The following PTPRD variants were observed in gnomAD, a reference collection of about 807,000 sequenced individuals.
PTPRD encodes protein tyrosine phosphatase receptor type D, also known as receptor-type tyrosine-protein phosphatase delta.
PTPRD carries 34 observed loss-of-function variants against 214.5 expected under a neutral mutation model. That is an observed-to-expected ratio of 0.16 (90% CI 0.12 to 0.21). The LOEUF (loss-of-function observed/expected upper bound fraction) is 0.21. Among genes scored for constraint, PTPRD ranks in the 10% least tolerant of loss-of-function variants. The probability of loss-of-function intolerance (pLI) is 1.00; values close to 1 mark genes in which losing one functional copy is unlikely to be tolerated. For missense variants in PTPRD, 2,545 were observed against 2,398.7 expected, an observed-to-expected ratio of 1.06 and a Z score of -1.27; for synonymous variants, 1,128 against 845.7, an observed-to-expected ratio of 1.33 and a Z score of -5.79.
At chr9:8,543,510 T>C (rs1168318736) in intron 14 of PTPRD, among the ~76,000 whole-genome samples, 1 of 152,188 alleles carries the variant, frequency 6.6e-6, no homozygotes, top group African/African-American at 2.4e-5. Context: ...TTTCAGCCAC[T>C]GATCCCTAAT....
chr9:9,572,212 G>T (rs530356767), intron 8 of PTPRD, among the ~76,000 whole-genome samples: 4 of 151,306 alleles, frequency 2.6e-5, no homozygotes, highest in African/African-American at 9.6e-5. Context: ...CTCTCCAGAA[G>T]GAAAAATAAA....
chr9:9,845,098 ATATACT>A, intron 5 of PTPRD, among the ~76,000 whole-genome samples: 1 of 121,106 alleles, frequency 8.3e-6, no homozygotes, highest in Non-Finnish European at 1.6e-5. Context: ...ATAGCTATAT[ATATACT>A]GCTATATATA....
intron 9 of PTPRD, among the ~76,000 whole-genome samples, chr9:9,246,130 T>C (rs535917853): frequency 1.7e-4 from 26 of 152,184 alleles, no homozygotes; most frequent in African/African-American, 6.3e-4. Flanking sequence ...AACATAAATA[T>C]GATATTTTAG....
chr9:8,352,417 T>C (rs1200575599), intron 39 of PTPRD, among the ~76,000 whole-genome samples: 1 of 152,190 alleles, frequency 6.6e-6, no homozygotes, highest in Non-Finnish European at 1.5e-5. Flanking sequence ...ACAGAGATTT[T>C]CCTTGTAAAC....
chr9:9,641,512 T>C (rs770964219), intron 7 of PTPRD, among the ~76,000 whole-genome samples: 20 of 152,188 alleles, frequency 1.3e-4, no homozygotes, highest in Non-Finnish European at 2.6e-4. Flanking sequence ...AGTACCATAG[T>C]GTGTCAGGCC....
At chr9:10,068,768 G>C (rs540245728) in intron 3 of PTPRD, among the ~76,000 whole-genome samples, 49 of 152,036 alleles carry the variant, frequency 3.2e-4, no homozygotes, top group Admixed American at 1.2e-3. Context: ...AGTGAAAAAA[G>C]AGTGGAATGC....
intron 6 of PTPRD, among the ~76,000 whole-genome samples, chr9:9,760,722 G>A (rs947139546): frequency 6.6e-6 from 1 of 151,552 alleles, no homozygotes; most frequent in Non-Finnish European, 1.5e-5. Context: ...ATAATCTGAT[G>A]AGGAAATAGG....
intron 21 of PTPRD, among the ~76,000 whole-genome samples, chr9:8,514,860 G>A (rs12341078): frequency 6.6e-6 from 1 of 151,912 alleles, no homozygotes; most frequent in Non-Finnish European, 1.5e-5. Flanking sequence ...TTGAACAATG[G>A]GGGTGGTTTC....
At chr9:9,312,614 T>A (rs1407449484) in intron 9 of PTPRD, among the ~76,000 whole-genome samples, 1 of 152,128 alleles carries the variant, frequency 6.6e-6, no homozygotes, top group Non-Finnish European at 1.5e-5. Context: ...TGAGTGAATG[T>A]GGGTGTGAGT....
intron 12 of PTPRD, among the ~76,000 whole-genome samples, chr9:8,680,267 C>T (rs2097525996): frequency 6.6e-6 from 1 of 151,868 alleles, no homozygotes; most frequent in African/African-American, 2.4e-5. Context: ...TGAAAAGAAC[C>T]CACAGTTTTC....
At chr9:9,945,093 T>C (rs2092360421) in intron 4 of PTPRD, among the ~76,000 whole-genome samples, 1 of 152,142 alleles carries the variant, frequency 6.6e-6, no homozygotes, top group Non-Finnish European at 1.5e-5. Context: ...TGATAAAGTA[T>C]AACTGTATAG....
intron 5 of PTPRD, among the ~76,000 whole-genome samples, chr9:9,794,666 G>C (rs1488164434): frequency 6.6e-6 from 1 of 152,060 alleles, no homozygotes; most frequent in Admixed American, 6.6e-5. Context: ...CTTCAAAAGA[G>C]CCCTGAAATA....
At chr9:9,030,082 G>C (rs1297421200) in intron 10 of PTPRD, among the ~76,000 whole-genome samples, 1 of 151,762 alleles carries the variant, frequency 6.6e-6, no homozygotes, top group Non-Finnish European at 1.5e-5. Flanking sequence ...GGATCATGGA[G>C]CCTAAGGAAG....
At chr9:8,987,418 C>T (rs1003929722) in intron 11 of PTPRD, among the ~76,000 whole-genome samples, 3 of 152,206 alleles carry the variant, frequency 2.0e-5, no homozygotes, top group Middle Eastern at 3.4e-3. Context: ...TAATGCAGCT[C>T]CATCTTAGCT....
chr9:8,657,446 G>T (rs1418507471), intron 12 of PTPRD, among the ~76,000 whole-genome samples: 1 of 152,140 alleles, frequency 6.6e-6, no homozygotes, highest in Non-Finnish European at 1.5e-5. Context: ...TGGGATTACA[G>T]GCGTGAGCCA....
At chr9:8,753,339 C>A (rs2093697647) in intron 11 of PTPRD, among the ~76,000 whole-genome samples, 1 of 152,172 alleles carries the variant, frequency 6.6e-6, no homozygotes, top group African/African-American at 2.4e-5. Context: ...ACCAAGTACA[C>A]TGACAGGTAG....
At chr9:10,473,001 T>C (rs1223438308) in intron 2 of PTPRD, among the ~76,000 whole-genome samples, 7 of 152,064 alleles carry the variant, frequency 4.6e-5, no homozygotes, top group South Asian at 2.1e-4. Context: ...TTTCTTAATG[T>C]ATTAAACATT....
intron 2 of PTPRD, among the ~76,000 whole-genome samples, chr9:10,483,480 G>T (rs1347499664): frequency 6.6e-6 from 1 of 151,644 alleles, no homozygotes; most frequent in Non-Finnish European, 1.5e-5. Context: ...AATCGTCAGG[G>T]TAAAGAGAGA....
intron 8 of PTPRD, among the ~76,000 whole-genome samples, chr9:9,564,298 CAA>C (rs2154294888): frequency 6.6e-6 from 1 of 152,184 alleles, no homozygotes; most frequent in African/African-American, 2.4e-5. Context: ...GAGCTATGCC[CAA>C]GTTCTTGAAG....
Sources: gnomAD v4.1 joint callset for allele counts (sites outside exome capture counted in the v4.1 genomes callset) on GRCh38, gnomAD v4.1.1 for gene constraint, MANE v1.5 for transcripts, NCBI Gene and HGNC (gene_info 2026-07-23, HGNC 2026-07-21) for gene names.